The following DPY19L3 variants were observed in gnomAD, a reference collection of about 807,000 sequenced individuals.
DPY19L3 encodes protein C-mannosyl-transferase DPY19L3.
DPY19L3 carries 51 observed loss-of-function variants against 92.3 expected under a neutral mutation model. The observed-to-expected ratio is 0.55, with a 90% CI of 0.44 to 0.70. The LOEUF (loss-of-function observed/expected upper bound fraction) is 0.70, where lower values mean the gene tolerates loss of function less well. Among genes scored for constraint, DPY19L3 ranks in the 30% least tolerant of loss-of-function variants. The pLI is 0.00. For synonymous variants in DPY19L3, 309 were observed against 315.2 expected (o/e 0.98, Z 0.21); for missense variants, 706 against 855.9 (o/e 0.82, Z 2.18).
chr19:32,418,613 T>A (rs768642084), intron 3 of DPY19L3, among the ~76,000 whole-genome samples: 19 of 152,182 alleles, frequency 1.2e-4, no homozygotes, highest in Admixed American at 5.2e-4. Flanking sequence ...ATTTTTGGAG[T>A]GTATATTCCT....
At chr19:32,406,381 C>T (rs970427949) in intron 1 of DPY19L3, 1 of 152,214 alleles carries the variant, frequency 6.6e-6, no homozygotes, top group Non-Finnish European at 1.5e-5. Flanking sequence ...TTTTTAGAGA[C>T]AGGGGTCTCG....
chr19:32,464,670 T>G (rs1568355424), intron 14 of DPY19L3, 58 bp from the exon 15 acceptor site: 2 of 1,117,874 alleles, frequency 1.8e-6, no homozygotes, highest in African/African-American at 3.3e-5. Flanking sequence ...AGACCCTGTC[T>G]CTCAAAAAAG....
intron 8 of DPY19L3, among the ~76,000 whole-genome samples, chr19:32,451,241 T>C (rs558816147): frequency 3.3e-5 from 5 of 152,260 alleles, no homozygotes; most frequent in African/African-American, 9.6e-5. Flanking sequence ...TGTGAGAAAG[T>C]GATATGGTAG....
chr19:32,457,899 G>T (rs1938322734), intron 10 of DPY19L3, among the ~76,000 whole-genome samples: 1 of 152,234 alleles, frequency 6.6e-6, no homozygotes, highest in South Asian at 2.1e-4. Context: ...ATGCTAAAAA[G>T]GGGAGTGGGG....
chr19:32,431,674 G>A lies in DPY19L3; in HGVS notation c.238-1042G>A, dbSNP rs1486793588. ...CATTTATGTTTTATGTATACCTTAT[G>A]CACATAGCCTGAAGGTGATTTTATA... On this transcript the variant is annotated intron_variant, in intron 3 of 18. Transcript: ENST00000392250. Among the ~76,000 whole-genome samples the A allele has an allele frequency of 2.0e-5, 3 of 152,218 alleles. No individual in the cohort carries two copies. The East Asian group carries it at 5.8e-4, about 29-fold the overall frequency.
chr19:32,407,608 C>T (rs1968019075), intron 1 of DPY19L3, among the ~76,000 whole-genome samples: 3 of 152,086 alleles, frequency 2.0e-5, no homozygotes, highest in Admixed American at 2.0e-4. Flanking sequence ...AGAAGATCAG[C>T]CGGAACTGGA....
At chr19:32,479,727 G>A in intron 17 of DPY19L3, 1 of 334,146 alleles carries the variant, frequency 3.0e-6, no homozygotes, top group Non-Finnish European at 5.8e-6. Context: ...CGCTCAGTTT[G>A]CATCCATCCA....
At chr19:32,422,013 C>T (rs1482175635) in intron 3 of DPY19L3, among the ~76,000 whole-genome samples, 1 of 152,192 alleles carries the variant, frequency 6.6e-6, no homozygotes, top group Non-Finnish European at 1.5e-5. Flanking sequence ...AATGAAAATT[C>T]TTGCTGACCT....
Position 32,484,604 on chromosome 19 carries a change from C to G in DPY19L3, c.*2364C>G, listed in dbSNP as rs1481241908. The G allele has an allele frequency of 6.6e-6, 1 of 152,212 alleles. No individual in the cohort carries two copies. The highest frequency in any genetic ancestry group is 2.4e-5 in the African/African-American group (1 of 41,440). 9.4% of individuals were successfully genotyped at this position (152,212 alleles called of 1,614,324 possible). On this transcript the variant is annotated 3_prime_UTR_variant, in exon 19 of 19. Coordinates refer to ENST00000392250, the MANE Select transcript of DPY19L3 (RefSeq NM_001172774.2). ...CTCTTAACGGACTCTGCCTGTGTGA[C>G]TCCCAGGCCCCGGAGTCTCCATCTC...
At chr19:32,475,796 G>A (rs77665933) in intron 16 of DPY19L3, among the ~76,000 whole-genome samples, 2,221 of 152,256 alleles carry the variant, frequency 0.015, 50 homozygotes, top group African/African-American at 0.05. Flanking sequence ...TTGTTGATAC[G>A]GGGAACAGAG....
In DPY19L3 at chr19:32,432,757, G is replaced by A. The variant is rs1179686437; in HGVS notation, c.279G>A (p.Leu93=). 3.1e-6 allele frequency: 5 copies of A among 1,613,934 alleles called. No individual in the cohort carries two copies. In the Admixed American group the frequency reaches 6.7e-5, roughly 22 times the overall value. ...REISFRTECG[L]YYSYYKQMLQ... is the part of the protein sequence containing the mutation. ...TCTCATTCAGAACAGAGTGTGGCCT[G>A]TATTACTCCTACTACAAGCAGATGC... The change falls in exon 4 of 19, where the codon CTG becomes CTA. Residue 93 remains leucine (L), a synonymous_variant. Transcript: ENST00000392250.
At position 32,482,179 on chromosome 19, in the gene DPY19L3, A is replaced by T. The variant is rs543031193; in HGVS notation, c.2090A>T (p.Tyr697Phe). Residue 697 changes from tyrosine (Y) to phenylalanine (F), a missense_variant, in exon 19 of 19, where the codon TAC becomes TTC. Transcript: ENST00000392250. Reference sequence around the variant, plus strand: ...AGAAACCTGCCTCCCTACGTGGCCTACTTCACCAGAGTGTTCCAGAACAAA... The same window carrying T: ...AGAAACCTGCCTCCCTACGTGGCCTTCTTCACCAGAGTGTTCCAGAACAAA... ...IKRNLPPYVA[Y>F]FTRVFQNKTF... 1.8e-5 allele frequency: 29 copies of T among 1,613,884 alleles called. No individual in the cohort carries two copies. The highest frequency in any genetic ancestry group is 2.3e-5 in the Non-Finnish European group (27 of 1,179,872).
At chr19:32,469,494 T>TTA (rs1416124225) in intron 16 of DPY19L3, among the ~76,000 whole-genome samples, 3 of 124,262 alleles carry the variant, frequency 2.4e-5, no homozygotes, top group Non-Finnish European at 3.5e-5. Flanking sequence ...AGACTCTCTC[T>TTA]AAAAAAAAAA....
intron 10 of DPY19L3, among the ~76,000 whole-genome samples, chr19:32,455,776 G>C (rs932924836): frequency 6.6e-6 from 1 of 152,188 alleles, no homozygotes; most frequent in Non-Finnish European, 1.5e-5. Flanking sequence ...CAATGCCCCA[G>C]GGGCTCTGCT....
chr19:32,477,400 TCCCTGACTCG>T, intron 16 of DPY19L3, 112 bp from the exon 17 acceptor site: 4 of 1,317,952 alleles, frequency 3.0e-6, no homozygotes, highest in Admixed American at 4.6e-5. Flanking sequence ...CCGTTTTTTT[TCCCTGACTCG>T]TAACACTTGG....
At chr19:32,433,574 C>T (rs925364489) in intron 4 of DPY19L3, among the ~76,000 whole-genome samples, 2 of 152,152 alleles carry the variant, frequency 1.3e-5, no homozygotes, top group South Asian at 2.1e-4. Context: ...TGCACTACCA[C>T]GTTCATTTTT....
intron 16 of DPY19L3, among the ~76,000 whole-genome samples, chr19:32,471,523 G>T (rs1970357111): frequency 1.3e-5 from 2 of 152,158 alleles, no homozygotes; most frequent in African/African-American, 4.8e-5. Flanking sequence ...TTGGCACAGG[G>T]CACCCCTTAC....
At chr19:32,413,061 T>C (rs975987062) in intron 3 of DPY19L3, 1 of 152,200 alleles carries the variant, frequency 6.6e-6, no homozygotes, top group Non-Finnish European at 1.5e-5. Flanking sequence ...CGTATATAAC[T>C]TACATGTGGA....
intron 15 of DPY19L3, chr19:32,468,348 T>TA: frequency 2.0e-6 from 2 of 1,001,260 alleles, no homozygotes; most frequent in Non-Finnish European, 2.4e-6. Context: ...AATTGCATGG[T>TA]ATTAGTTAAT....
Sources: allele counts gnomAD v4.1 joint callset (sites outside exome capture counted in the v4.1 genomes callset), GRCh38; gene constraint gnomAD v4.1.1; transcripts MANE v1.5; gene names NCBI Gene and HGNC (gene_info 2026-07-23, HGNC 2026-07-21).